Variants in ABCA4 observed in about 807,000 individuals in gnomAD.
ABCA4 encodes the protein retinal-specific phospholipid-transporting ATPase ABCA4.
ABCA4 carries 196 observed loss-of-function variants against 263.7 expected under a neutral mutation model. The observed-to-expected ratio is 0.74, with a 90% CI of 0.66 to 0.84. The LOEUF (loss-of-function observed/expected upper bound fraction) is 0.84. Ranked by LOEUF, ABCA4 falls within the 40% of genes least tolerant of loss-of-function variation. The pLI is 0.00. For missense variants in ABCA4, 2,792 were observed against 2,855.1 expected (o/e 0.98, Z 0.50); for synonymous variants, 1,133 against 1,094.2 (o/e 1.04, Z -0.70).
In ABCA4 at chr1:94,014,626, C is replaced by T. The variant is rs1659672463; in HGVS notation, c.5377G>A (p.Val1793Met). Reference sequence around the variant, plus strand: ...AACAGATTAGCACAAGATAAAGCCACATAGGCTGTGCTGGGGACATCAAAC... The same window carrying T: ...AACAGATTAGCACAAGATAAAGCCATATAGGCTGTGCTGGGGACATCAAAC... ...FLFDVPSTAYVALSCANLFIG... is the reference protein window; with the variant it reads ...FLFDVPSTAYMALSCANLFIG... The change falls in exon 38 of 50, where the codon GTG (valine) becomes ATG (methionine). Residue 1793 changes from valine (V) to methionine (M), a missense_variant. Physicochemically the swap from Val to Met is conservative, Grantham distance 21 (BLOSUM62 1). Transcript: ENST00000370225. 1.2e-6 allele frequency: 2 copies of T among 1,614,206 alleles called. No homozygotes were observed. The highest frequency in any genetic ancestry group is 1.7e-6 in the Non-Finnish European group (2 of 1,180,038).
chr1:94,000,646 C>T (rs557395894), intron 47 of ABCA4, among the ~76,000 whole-genome samples, 190 bp downstream of exon 47: 2 of 152,204 alleles, frequency 1.3e-5, no homozygotes, highest in East Asian at 3.9e-4. Flanking sequence ...GAAATTAGGC[C>T]AATATAGAGG....
chr1:94,101,942 T>A (rs1662297085), intron 5 of ABCA4, among the ~76,000 whole-genome samples: 1 of 152,166 alleles, frequency 6.6e-6, no homozygotes, highest in Non-Finnish European at 1.5e-5. Flanking sequence ...CCTAACAAGC[T>A]CCCAGGCATC....
chr1:94,020,721 C>T (rs1487613000), intron 35 of ABCA4, among the ~76,000 whole-genome samples: 1 of 152,250 alleles, frequency 6.6e-6, no homozygotes, highest in Non-Finnish European at 1.5e-5. Flanking sequence ...ACCAACCCCT[C>T]CTCCATGTAG....
At chr1:94,101,233 A>G (rs1662279826) in intron 5 of ABCA4, among the ~76,000 whole-genome samples, 1 of 152,186 alleles carries the variant, frequency 6.6e-6, no homozygotes, top group Non-Finnish European at 1.5e-5. Flanking sequence ...TCTCCCTTTT[A>G]TTACCAACTG....
intron 11 of ABCA4, among the ~76,000 whole-genome samples, chr1:94,071,985 CA>C (rs1426048032): frequency 6.6e-6 from 1 of 152,174 alleles, no homozygotes; most frequent in Non-Finnish European, 1.5e-5. Context: ...AGATAATTCA[CA>C]AATATTTATA....
chr1:94,091,176 T>C (rs1050266386), intron 6 of ABCA4, among the ~76,000 whole-genome samples: 2 of 152,204 alleles, frequency 1.3e-5, no homozygotes, highest in African/African-American at 4.8e-5. Context: ...TACCCTTTTT[T>C]CCATCTTGTT....
intron 6 of ABCA4, among the ~76,000 whole-genome samples, chr1:94,086,787 C>T (rs911911198): frequency 6.6e-6 from 1 of 152,168 alleles, no homozygotes; most frequent in Non-Finnish European, 1.5e-5. Context: ...GCATATGTGG[C>T]AGCACTTGGA....
chr1:94,117,695 C>T (rs1662829504), intron 1 of ABCA4, among the ~76,000 whole-genome samples: 1 of 152,156 alleles, frequency 6.6e-6, no homozygotes. Flanking sequence ...CCCTCTCCAG[C>T]CCCGGTGCCT....
chr1:93,998,260 G>T (rs1659068110), intron 47 of ABCA4, 150 bp from the exon 48 acceptor site: 2 of 1,052,334 alleles, frequency 1.9e-6, no homozygotes, highest in Non-Finnish European at 2.9e-6. Context: ...GGAGGTAGAG[G>T]TGGGAGGATC....
chr1:94,010,934 G>A lies in ABCA4; in HGVS notation c.5585-5C>T. On this transcript the variant is annotated splice_polypyrimidine_tract_variant and splice_region_variant and intron_variant, in intron 39 of 49. Coordinates refer to ENST00000370225, the MANE Select transcript of ABCA4 (RefSeq NM_000350.3). ...GATTTGCAGAGTGCTCCTCACCTGG[G>A]CATCAACAGGAATTGAGTCCACTTC... is the stretch of plus-strand genomic sequence containing the variant. 2 of 1,614,022 alleles carry A rather than the reference G, an allele frequency of 1.2e-6. No homozygotes were observed. The highest frequency in any genetic ancestry group is 1.1e-5 in the South Asian group (1 of 91,074).
At chr1:94,046,280 T>TAAAAAA (rs11289565) in intron 19 of ABCA4, among the ~76,000 whole-genome samples, 53 of 76,932 alleles carry the variant, frequency 6.9e-4, no homozygotes, top group East Asian at 1.8e-3. Flanking sequence ...CTGTCTGTAC[T>TAAAAAA]AAAAAAAAAA....
chr1:94,008,197 T>C (rs1331517155), intron 42 of ABCA4, 38 bp downstream of exon 42: 2 of 1,601,150 alleles, frequency 1.2e-6, no homozygotes, highest in Admixed American at 3.3e-5. Flanking sequence ...AGAGCTGATG[T>C]TCGGAAGCCT....
At chr1:94,046,628 C>A (rs183864026) in intron 19 of ABCA4, among the ~76,000 whole-genome samples, 60 of 152,138 alleles carry the variant, frequency 3.9e-4, no homozygotes, top group African/African-American at 1.4e-3. Flanking sequence ...CTGGCTTTTG[C>A]CCCCGCTGAG....
In ABCA4 at chr1:94,108,665, C is replaced by G. The variant is rs1662507149; in HGVS notation, c.354G>C (p.Glu118Asp). Residue 118 changes from glutamate (E) to aspartate (D), a missense_variant, in exon 4 of 50, where the codon GAG becomes GAC. Transcript: ENST00000370225. ...DFQELLMNAP[E>D]SQHLGRIWTE... is the part of the protein sequence containing the mutation. ...TCCAAATACGGCCAAGGTGCTGGCT[C>G]TCTGGTGCATTCATGAGGAGTTCTT... The G allele has an allele frequency of 1.2e-6, 2 of 1,614,066 alleles. No individual in the cohort carries two copies. Among genetic ancestry groups the G allele is most frequent in the Non-Finnish European group, 1.7e-6 (2 of 1,180,040 alleles).
chr1:94,118,033 G>A (rs3827714), intron 1 of ABCA4, among the ~76,000 whole-genome samples: 32,481 of 152,040 alleles, frequency 0.21, 3,585 homozygotes, highest in Middle Eastern at 0.23. Context: ...GATAGATCTC[G>A]ATCCACGGGG....
intron 40 of ABCA4, 57 bp from the exon 41 acceptor site, chr1:94,008,928 C>G (rs1232154568): frequency 4.4e-6 from 7 of 1,599,444 alleles, no homozygotes; most frequent in Non-Finnish European, 5.1e-6. Context: ...TTGGCACTGT[C>G]CTTTCCATGG....
Position 94,048,976 on chromosome 1 carries a change from A to T in ABCA4, c.2654-19T>A. On this transcript the variant is annotated intron_variant, in intron 17 of 49. Coordinates refer to ENST00000370225, the MANE Select transcript of ABCA4 (RefSeq NM_000350.3). ...GAACACCCTGCACCAATCAGAAGCC[A>T]GTGTTACTCTACCACCGGGAGCTGA... 1 of 1,612,860 alleles carries T rather than the reference A, an allele frequency of 6.2e-7. No homozygotes were observed. Among genetic ancestry groups the T allele is most frequent in the Non-Finnish European group, 8.5e-7 (1 of 1,178,990 alleles).
intron 47 of ABCA4, among the ~76,000 whole-genome samples, chr1:93,998,965 G>A (rs1659099169): frequency 6.7e-6 from 1 of 149,826 alleles, no homozygotes; most frequent in African/African-American, 2.5e-5. Context: ...TGGCCAGGCT[G>A]GTCTTAAACT....
rs1660946056 is a variant in ABCA4, at chr1:94,055,313, G to C, written c.2385C>G (p.Ser795Arg). 6.2e-7 allele frequency: 1 copy of C among 1,614,006 alleles called. No individual in the cohort carries two copies. The highest frequency in any genetic ancestry group is 8.5e-7 in the Non-Finnish European group (1 of 1,180,006). Reference sequence around the variant, plus strand: ...ATCCAAATGCCACCGGAGACAGTAAGCTCTGCAGTGAGGCGGAGAGGGCAC... The same window carrying C: ...ATCCAAATGCCACCGGAGACAGTAACCTCTGCAGTGAGGCGGAGAGGGCAC... ...RMTAELKKAV[S>R]LLSPVAFGFG... Residue 795 changes from serine (S) to arginine (R), a missense_variant and splice_region_variant, in exon 16 of 50, where the codon AGC becomes AGG. By Grantham distance (110) the Ser-to-Arg change is moderately radical. Coordinates refer to ENST00000370225, the MANE Select transcript of ABCA4 (RefSeq NM_000350.3).
Sources: allele counts gnomAD v4.1 joint callset (sites outside exome capture counted in the v4.1 genomes callset), GRCh38; gene constraint gnomAD v4.1.1; transcripts MANE v1.5; gene names NCBI Gene and HGNC (gene_info 2026-07-23, HGNC 2026-07-21).